RNF212: variants seen among roughly 807,000 people sequenced by gnomAD.
RNF212 encodes probable E3 SUMO-protein ligase RNF212.
RNF212 carries 33 observed loss-of-function variants against 34.7 expected under a neutral mutation model. The observed-to-expected ratio is 0.95, with a 90% CI of 0.72 to 1.27. The LOEUF is 1.27. RNF212 is among the 50% of genes most tolerant of loss of function. RNF212 has a pLI of 0.00. For synonymous variants in RNF212, 140 were observed against 136.1 expected (o/e 1.03, Z -0.20); for missense variants, 377 against 362.2 (o/e 1.04, Z -0.33).
Position 1,093,573 on chromosome 4 carries a change from A to ATGAGAGG in RNF212, c.247-2736_247-2735insCCTCTCA, listed in dbSNP as rs1255124514. 63 of 1,012,566 alleles carry ATGAGAGG rather than the reference A, an allele frequency of 6.2e-5. No homozygotes were observed. The African/African-American group carries it at 1.5e-3, about 24-fold the overall frequency. 62.7% of individuals were successfully genotyped at this position (1,012,566 alleles called of 1,614,324 possible). ...GGCCCATGCCGGAAGCCTGAGAGGC[A>ATGAGAGG]CGAGAGGCAGAGCAGACAGGTGGCT... On this transcript the variant is annotated intron_variant, in intron 3 of 9. Coordinates refer to ENST00000433731, the MANE Select transcript of RNF212 (RefSeq NM_001131034.4).
chr4:1,085,672 A>G (rs1309581688), intron 5 of RNF212: 2 of 577,936 alleles, frequency 3.5e-6, no homozygotes, highest in East Asian at 2.9e-5. Context: ...ACCTGCCCCA[A>G]GGGGAAACCA....
At position 1,081,628 on chromosome 4, in the gene RNF212, A is replaced by C. The variant is rs774227876; in HGVS notation, c.363-9T>G. On this transcript the variant is annotated splice_polypyrimidine_tract_variant and intron_variant, in intron 5 of 9. Coordinates refer to ENST00000433731, the MANE Select transcript of RNF212 (RefSeq NM_001131034.4). ...GTTGTGATGATCTCATACTAAATAG[A>C]TGGAGAAAAGGTATTGAATTAAATC... 2.7e-5 allele frequency: 43 copies of C among 1,594,844 alleles called. No homozygotes were observed. Among genetic ancestry groups the C allele is most frequent in the Non-Finnish European group, 3.4e-5 (40 of 1,162,822 alleles).
At chr4:1,073,316 A>G in intron 9 of RNF212, 123 bp from the exon 10 acceptor site, 3 of 1,338,634 alleles carry the variant, frequency 2.2e-6, no homozygotes, top group Non-Finnish European at 3.0e-6. Context: ...GCCAATTACC[A>G]GGAAGCAAAC....
chr4:1,089,267 A>AT (rs1721816254), intron 4 of RNF212, among the ~76,000 whole-genome samples: 1 of 152,190 alleles, frequency 6.6e-6, no homozygotes, highest in South Asian at 2.1e-4. Context: ...CATGTCCTGG[A>AT]TGTGAGACAT....
At chr4:1,068,979 A>G (rs1336142667), downstream of RNF212, among the ~76,000 whole-genome samples, 1 of 152,238 alleles carries the variant, frequency 6.6e-6, no homozygotes, top group East Asian at 1.9e-4. Context: ...AGGCTGAGGC[A>G]GGTGGATTGC....
At chr4:1,095,842 G>A (rs527977205) in intron 3 of RNF212, among the ~76,000 whole-genome samples, 12 of 81,998 alleles carry the variant, frequency 1.5e-4, no homozygotes, top group Non-Finnish European at 1.3e-4. Context: ...AGCGCACCTG[G>A]CTCATCACAG....
chr4:1,099,232 T>C (rs620398), intron 2 of RNF212, among the ~76,000 whole-genome samples: 124,110 of 152,212 alleles, frequency 0.82, 52,225 homozygotes, highest in East Asian at 1. Context: ...CAACAAAGAA[T>C]TCTGAAGTCT....
intron 3 of RNF212, among the ~76,000 whole-genome samples, chr4:1,060,089 A>C (rs10084837): frequency 0.6 from 82,604 of 137,682 alleles, 25,526 homozygotes; most frequent in Non-Finnish European, 0.68. Context: ...ACAAGAGCGA[A>C]ACTCCATCAA....
intron 2 of RNF212, chr4:1,101,176 C>G (rs557715017): frequency 4.2e-4 from 93 of 218,924 alleles, no homozygotes; most frequent in African/African-American, 2.0e-3. Flanking sequence ...CCCCTAGACC[C>G]ACGGGCCTAA....
At chr4:1,062,262 C>T (rs1717797231) in intron 3 of RNF212, among the ~76,000 whole-genome samples, 1 of 152,178 alleles carries the variant, frequency 6.6e-6, no homozygotes, top group East Asian at 1.9e-4. Flanking sequence ...AATCCAGCAG[C>T]GTATAAGAAA....
At chr4:1,105,249 G>A (rs1027923660) in intron 2 of RNF212, among the ~76,000 whole-genome samples, 5 of 152,110 alleles carry the variant, frequency 3.3e-5, no homozygotes, top group Admixed American at 1.3e-4. Context: ...CCTCCTCAAG[G>A]AGGCAGATGC....
At chr4:1,099,518 G>A (rs1577788679) in intron 2 of RNF212, among the ~76,000 whole-genome samples, 1 of 152,168 alleles carries the variant, frequency 6.6e-6, no homozygotes, top group African/African-American at 2.4e-5. Context: ...GGAAGGCCAG[G>A]AGAAGGGGGA....
chr4:1,072,697 C>T lies in RNF212; in HGVS notation c.*177G>A. On this transcript the variant is annotated 3_prime_UTR_variant, in exon 10 of 10. Coordinates refer to ENST00000433731, the MANE Select transcript of RNF212 (RefSeq NM_001131034.4). Reference sequence around the variant, plus strand: ...ATATATGAGTACATAAAAATATTGTCTCTAAAATTCAAAGGTCAAATATAA... The same window carrying T: ...ATATATGAGTACATAAAAATATTGTTTCTAAAATTCAAAGGTCAAATATAA... 6 of 1,342,552 alleles carry T rather than the reference C, an allele frequency of 4.5e-6. No homozygotes were observed. The highest frequency in any genetic ancestry group is 5.8e-6 in the Non-Finnish European group (6 of 1,028,524). 83.2% of individuals were successfully genotyped at this position (1,342,552 alleles called of 1,614,324 possible). A position where few individuals can be genotyped will look rare whatever the true frequency, so the allele number is the denominator to read the frequency against.
chr4:1,084,751 G>C (rs1461731571), intron 5 of RNF212, among the ~76,000 whole-genome samples: 2 of 134,108 alleles, frequency 1.5e-5, no homozygotes, highest in Non-Finnish European at 3.2e-5. Context: ...AAAAAAAAAA[G>C]CGAAGGAAAG....
rs761392125 is a variant in RNF212 at position 1,081,400 on chromosome 4, C to G, written c.464+19G>C. The stretch of plus-strand genomic sequence containing the variant: ...GAAAGACCTGCAGGTCCTGTGATTT[C>G]TGCAAGCAACCCACACACCTGTCGG... On this transcript the variant is annotated intron_variant, in intron 7 of 9. Coordinates refer to ENST00000433731, the MANE Select transcript of RNF212 (RefSeq NM_001131034.4). 2 of 1,611,782 alleles carry G rather than the reference C, an allele frequency of 1.2e-6. No homozygotes were observed. The highest frequency in any genetic ancestry group is 2.7e-5 in the African/African-American group (2 of 74,866).
intron 3 of RNF212, among the ~76,000 whole-genome samples, chr4:1,064,685 A>G (rs951875322): frequency 1.3e-5 from 2 of 152,232 alleles, no homozygotes; most frequent in Admixed American, 6.5e-5. Context: ...TTTTCAGTGT[A>G]CAGTTCACTG....
rs57094933 is a variant in RNF212, at chr4:1,089,282, T to C, written c.303+1500A>G. Among the ~76,000 whole-genome samples, 1,005 of 152,262 alleles carry C rather than the reference T, an allele frequency of 6.6e-3. 13 individuals are homozygous for C. Among genetic ancestry groups the C allele is most frequent in the African/African-American group, 0.022 (894 of 41,564 alleles). ...CATGTCCTGGATGTGAGACATTGGG[T>C]AAAAGGATAAATTTAAGATTTAATG... On this transcript the variant is annotated intron_variant, in intron 4 of 9. Transcript: ENST00000433731.
At chr4:1,085,607 G>A (rs1035000770) in intron 5 of RNF212, 8 of 503,320 alleles carry the variant, frequency 1.6e-5, no homozygotes, top group South Asian at 9.7e-5. Flanking sequence ...CTGAGAGGCC[G>A]GGGGCACCTG....
At chr4:1,096,703 C>T in intron 3 of RNF212, 62 bp downstream of exon 3, 1 of 1,092,948 alleles carries the variant, frequency 9.1e-7, no homozygotes. Flanking sequence ...CTCATAGCTC[C>T]ATGGTCTCGG....
Sources: gnomAD v4.1 joint callset for allele counts (sites outside exome capture counted in the v4.1 genomes callset) on GRCh38, gnomAD v4.1.1 for gene constraint, MANE v1.5 for transcripts, NCBI Gene and HGNC (gene_info 2026-07-23, HGNC 2026-07-21) for gene names.